Variants in ZNF75A observed in about 807,000 individuals in gnomAD.
ZNF75A encodes zinc finger protein 75A.
ZNF75A carries 36 observed loss-of-function variants against 46.3 expected under a neutral mutation model. The ratio of observed to expected loss-of-function variants is 0.78; its 90% confidence interval spans 0.60 to 1.03. The LOEUF (loss-of-function observed/expected upper bound fraction) is 1.03. ZNF75A is among the 50% of genes least tolerant of loss of function. The pLI is 0.00. For missense variants in ZNF75A, 595 were observed against 551.3 expected, an observed-to-expected ratio of 1.08 and a Z score of -0.79; for synonymous variants, 234 against 189.9, an observed-to-expected ratio of 1.23 and a Z score of -1.91.
At chr16:3,305,791 A>G (rs1342422949) in intron 1 of ZNF75A, 148 bp downstream of exon 1, 1 of 152,192 alleles carries the variant, frequency 6.6e-6, no homozygotes, top group South Asian at 2.1e-4. Flanking sequence ...ACCGTCGGGC[A>G]CGAGAAACCA....
At chr16:3,313,510 A>G (rs925844985) in intron 5 of ZNF75A, among the ~76,000 whole-genome samples, 1 of 152,168 alleles carries the variant, frequency 6.6e-6, no homozygotes, top group Admixed American at 6.5e-5. Flanking sequence ...TGATCTTGTC[A>G]TCATACCCCA....
chr16:3,321,605 C>G (rs553944083), downstream of ZNF75A, among the ~76,000 whole-genome samples: 4 of 152,272 alleles, frequency 2.6e-5, no homozygotes, highest in African/African-American at 7.2e-5. Context: ...ATCTGGGACT[C>G]CAGGCACGTG....
chr16:3,320,399 T>G (rs1961485802), downstream of ZNF75A, among the ~76,000 whole-genome samples: 1 of 152,210 alleles, frequency 6.6e-6, no homozygotes, highest in Non-Finnish European at 1.5e-5. Flanking sequence ...GTGACTGTTT[T>G]GCTGGAGCTC....
Position 3,311,797 on chromosome 16 carries a change from A to G in ZNF75A, c.453A>G (p.Glu151=), listed in dbSNP as rs1416810440. 3 of 1,050,238 alleles carry G rather than the reference A, an allele frequency of 2.9e-6. No individual in the cohort carries two copies. In the African/African-American group the frequency reaches 5.1e-5, roughly 18 times the overall value. 65.1% of individuals were successfully genotyped at this position (1,050,238 alleles called of 1,614,324 possible). A position where few individuals can be genotyped will look rare whatever the true frequency, so the allele number is the denominator to read the frequency against. Reference sequence around the variant, plus strand: ...GAAAGGAGGCAGTGCTCTTGGGAGAAACAGCAGAGGCCTCAAGTTTCGGGC... The same window carrying G: ...GAAAGGAGGCAGTGCTCTTGGGAGAGACAGCAGAGGCCTCAAGTTTCGGGC... ...ELGKEAVLLG[E]TAEASSFGLK... Residue 151 remains glutamate, a synonymous_variant, in exon 3 of 7, where the codon GAA becomes GAG. Coordinates refer to ENST00000669516, the MANE Select transcript of ZNF75A (RefSeq NM_001302109.2).
Position 3,308,632 on chromosome 16 carries a change from A to T in ZNF75A, c.204A>T (p.Lys68Asn). 1 of 986,834 alleles carries T rather than the reference A, an allele frequency of 1.0e-6. No homozygotes were observed. The highest frequency in any genetic ancestry group is 1.2e-6 in the Non-Finnish European group (1 of 830,124). 61.1% of individuals were successfully genotyped at this position (986,834 alleles called of 1,614,324 possible). The stretch of plus-strand genomic sequence containing the variant: ...GTGGACCCCGTGAGGCTGTCAGCAA[A>T]CTTCAAGAATTATGTCATCTATGGC... ...EAGGPREAVS[K>N]LQELCHLWLK... Residue 68 changes from lysine to asparagine, a missense_variant, in exon 2 of 7, where the codon AAA becomes AAT. Lys to Asn is a moderately conservative substitution (Grantham distance 94). Coordinates refer to ENST00000669516, the MANE Select transcript of ZNF75A (RefSeq NM_001302109.2).
chr16:3,320,312 G>A (rs371692145), downstream of ZNF75A, among the ~76,000 whole-genome samples: 6 of 152,210 alleles, frequency 3.9e-5, no homozygotes, highest in African/African-American at 1.2e-4. Flanking sequence ...CCAAAGTGCC[G>A]GGATTACAGG....
chr16:3,322,664 C>G (rs997521231), downstream of ZNF75A, among the ~76,000 whole-genome samples: 2 of 152,124 alleles, frequency 1.3e-5, no homozygotes, highest in Non-Finnish European at 2.9e-5. Context: ...AAAAATCAAG[C>G]TTTACAGTGT....
At chr16:3,316,055 G>A (rs1596400345) in intron 5 of ZNF75A, 1 of 152,322 alleles carries the variant, frequency 6.6e-6, no homozygotes, top group East Asian at 1.9e-4. Flanking sequence ...TCAAAGAGGT[G>A]TCCCACAAGA....
intron 1 of ZNF75A, chr16:3,306,991 GC>G (rs1960319981): frequency 6.9e-6 from 1 of 144,836 alleles, no homozygotes; most frequent in Admixed American, 6.9e-5. Flanking sequence ...TCGTTTTGCT[GC>G]CCTGGCTGGA....
downstream of ZNF75A, among the ~76,000 whole-genome samples, chr16:3,319,152 C>G (rs1961427622): frequency 6.6e-6 from 1 of 152,064 alleles, no homozygotes; most frequent in Admixed American, 6.6e-5. Flanking sequence ...TCGCTCTTGT[C>G]ACTCAGGCTG....
downstream of ZNF75A, among the ~76,000 whole-genome samples, chr16:3,319,129 T>C (rs1399645716): frequency 1.3e-5 from 2 of 152,194 alleles, no homozygotes; most frequent in African/African-American, 4.8e-5. Flanking sequence ...TTTATTTTTT[T>C]TGAGACAGAG....
downstream of ZNF75A, among the ~76,000 whole-genome samples, chr16:3,319,280 A>AT (rs1283066134): frequency 2.0e-5 from 3 of 151,846 alleles, no homozygotes; most frequent in African/African-American, 4.8e-5. Flanking sequence ...CGCCTGGCTA[A>AT]TTTTTTGTAT....
Position 3,317,965 on chromosome 16 carries a change from A to G in ZNF75A, c.*96A>G, listed in dbSNP as rs532664687. On this transcript the variant is annotated 3_prime_UTR_variant, in exon 7 of 7. Transcript: ENST00000669516. ...AAAGAAAAATCACAAACCTTGAAAA[A>G]TTTTACATCAGAAAATGGGATAAAC... 6.8e-7 allele frequency: 1 copy of G among 1,469,756 alleles called. No homozygotes were observed. The highest frequency in any genetic ancestry group is 1.5e-5 in the South Asian group (1 of 68,812). The allele number at this position is 1,469,756 out of a possible 1,614,324, so 91.0% of individuals were successfully genotyped here.
At chr16:3,318,960 A>C, downstream of ZNF75A, 3 of 549,220 alleles carry the variant, frequency 5.5e-6, no homozygotes, top group Non-Finnish European at 4.6e-6. Context: ...CAGCAGCCTC[A>C]GGTGATAAAT....
chr16:3,318,906 C>G (rs1329258333), downstream of ZNF75A: 1 of 895,314 alleles, frequency 1.1e-6, no homozygotes, highest in Admixed American at 6.2e-5. Context: ...CTGTCCTGTC[C>G]TGTAAGCTCT....
chr16:3,313,326 A>G (rs537102175), intron 5 of ZNF75A, 151 bp downstream of exon 5: 1 of 718,476 alleles, frequency 1.4e-6, no homozygotes, highest in African/African-American at 1.8e-5. Context: ...TATCCAGATC[A>G]CCTGTGGAGC....
In ZNF75A at chr16:3,318,353, A is replaced by G; in HGVS notation, c.*484A>G. 1.0e-6 allele frequency: 1 copy of G among 988,252 alleles called. No individual in the cohort carries two copies. The highest frequency in any genetic ancestry group is 1.2e-6 in the Non-Finnish European group (1 of 831,888). 61.2% of individuals were successfully genotyped at this position (988,252 alleles called of 1,614,324 possible). A position where few individuals can be genotyped will look rare whatever the true frequency, so the allele number is the denominator to read the frequency against. On this transcript the variant is annotated 3_prime_UTR_variant, in exon 7 of 7. Coordinates refer to ENST00000669516, the MANE Select transcript of ZNF75A (RefSeq NM_001302109.2). ...TAAACTTTTCGGCAACTTCTCTTGGATCCTGTTATCACAGTTTTTTACTGT... is the reference window on the plus strand; with the variant it reads ...TAAACTTTTCGGCAACTTCTCTTGGGTCCTGTTATCACAGTTTTTTACTGT...
downstream of ZNF75A, among the ~76,000 whole-genome samples, chr16:3,319,259 A>G (rs571594129): frequency 4.6e-4 from 70 of 152,202 alleles, 1 homozygote; most frequent in South Asian, 0.014. Flanking sequence ...GATTACAGGC[A>G]CCCACCACCA....
Position 3,318,745 on chromosome 16 carries a change from T to C in ZNF75A, c.*876T>C, listed in dbSNP as rs1358846083. The C allele has an allele frequency of 7.1e-6, 7 of 985,278 alleles. No individual in the cohort carries two copies. The South Asian group carries it at 1.4e-4, about 20-fold the overall frequency. 61.0% of individuals were successfully genotyped at this position (985,278 alleles called of 1,614,324 possible). A position where few individuals can be genotyped will look rare whatever the true frequency, so the allele number is the denominator to read the frequency against. On this transcript the variant is annotated 3_prime_UTR_variant, in exon 7 of 7. Coordinates refer to ENST00000669516, the MANE Select transcript of ZNF75A (RefSeq NM_001302109.2). ...ATGAGAGACTTAATTTCCATGGGAGTTGGAGTGTGTGTGCTGCAGGCAGGA... is the reference window on the plus strand; with the variant it reads ...ATGAGAGACTTAATTTCCATGGGAGCTGGAGTGTGTGTGCTGCAGGCAGGA...
Sources: gnomAD v4.1 joint callset for allele counts (sites outside exome capture counted in the v4.1 genomes callset) on GRCh38, gnomAD v4.1.1 for gene constraint, MANE v1.5 for transcripts, NCBI Gene and HGNC (gene_info 2026-07-23, HGNC 2026-07-21) for gene names.